Variants in ZNF644 observed in about 807,000 individuals in gnomAD.
ZNF644 encodes zinc finger protein 644, also known as zinc finger motif enhancer binding protein 2.
In ZNF644, 20 loss-of-function variants were observed where a neutral mutation model predicts 108.0. The observed-to-expected ratio is 0.19, with a 90% CI of 0.13 to 0.27. The LOEUF (loss-of-function observed/expected upper bound fraction) is 0.27, where lower values mean the gene tolerates loss of function less well. Among genes scored for constraint, ZNF644 ranks in the 10% least tolerant of loss-of-function variants. The probability of loss-of-function intolerance (pLI) is 1.00; values close to 1 mark genes in which losing one functional copy is unlikely to be tolerated. For missense variants in ZNF644, 1,338 were observed against 1,548.9 expected (o/e 0.86, Z 2.29); for synonymous variants, 542 against 539.1 (o/e 1.01, Z -0.08).
Position 90,940,571 on chromosome 1 carries a change from G to T in ZNF644, c.783C>A (p.Pro261=). Residue 261 remains proline (P), a synonymous_variant, in exon 3 of 6, where the codon CCC becomes CCA. Transcript: ENST00000337393. ...TAAGAAATTGAATGAACTCTTTTTG[G>T]GGATCCCAGTTTGTATCATTTTCTG... ...FRSENDTNWD[P]QKEFIQFLMT... The T allele has an allele frequency of 6.2e-7, 1 of 1,613,412 alleles. No individual in the cohort carries two copies. Among genetic ancestry groups the T allele is most frequent in the Non-Finnish European group, 8.5e-7 (1 of 1,179,844 alleles).
chr1:90,996,143 A>G (rs548686036), intron 1 of ZNF644, among the ~76,000 whole-genome samples: 1 of 152,204 alleles, frequency 6.6e-6, no homozygotes, highest in Non-Finnish European at 1.5e-5. Context: ...AAAAATCACT[A>G]CGAGATAACC....
intron 1 of ZNF644, among the ~76,000 whole-genome samples, chr1:90,993,148 C>T (rs1657804453): frequency 6.6e-6 from 1 of 152,098 alleles, no homozygotes; most frequent in South Asian, 2.1e-4. Flanking sequence ...TTTCAGTTTG[C>T]CAGTTTTGAG....
intron 4 of ZNF644, among the ~76,000 whole-genome samples, chr1:90,927,763 T>A (rs1382404729): frequency 6.6e-6 from 1 of 152,098 alleles, no homozygotes; most frequent in Non-Finnish European, 1.5e-5. Flanking sequence ...AAATATAAGT[T>A]TAACCATACC....
Position 90,940,146 on chromosome 1 carries a change from C to T in ZNF644, c.1208G>A (p.Ser403Asn). The change falls in exon 3 of 6, where the codon AGT (serine) becomes AAT (asparagine). Residue 403 changes from serine to asparagine, a missense_variant. Transcript: ENST00000337393. ...ESDSESPATF[S>N]TEEPSFYPCT... ...GGGGTAGAATGATGGCTCTTCGGTA[C>T]TGAAAGTAGCAGGTGACTCAGAATC... is the stretch of plus-strand genomic sequence containing the variant. 1 of 1,614,006 alleles carries T rather than the reference C, an allele frequency of 6.2e-7. No homozygotes were observed. Among genetic ancestry groups the T allele is most frequent in the South Asian group, 1.1e-5 (1 of 91,070 alleles).
intron 2 of ZNF644, among the ~76,000 whole-genome samples, chr1:90,967,621 A>G (rs1290746511): frequency 1.3e-5 from 2 of 152,186 alleles, no homozygotes; most frequent in Admixed American, 1.3e-4. Context: ...ATAAATGAAT[A>G]AAGCCCTGAT....
intron 2 of ZNF644, among the ~76,000 whole-genome samples, chr1:90,977,610 G>A (rs1189710847): frequency 1.4e-4 from 21 of 152,098 alleles, no homozygotes; most frequent in Admixed American, 1.4e-3. Flanking sequence ...GCAGAATGTG[G>A]GAAAACAGAT....
chr1:90,961,850 T>C (rs1046928644), intron 2 of ZNF644, among the ~76,000 whole-genome samples: 3 of 152,096 alleles, frequency 2.0e-5, no homozygotes, highest in Admixed American at 6.6e-5. Flanking sequence ...GGGTAAGTAC[T>C]ACTGGCATCT....
At position 90,938,117 on chromosome 1, in the gene ZNF644, T is replaced by C. The variant is rs757543187; in HGVS notation, c.3083-27A>G. 6.2e-7 allele frequency: 1 copy of C among 1,609,896 alleles called. No homozygotes were observed. Among genetic ancestry groups the C allele is most frequent in the South Asian group, 1.1e-5 (1 of 90,842 alleles). ...TAGAAAAAAATTTTTAAGAGTAATA[T>C]CAGACTTTCTTATATAAACTGACCA... On this transcript the variant is annotated intron_variant, in intron 3 of 5. Coordinates refer to ENST00000337393, the MANE Select transcript of ZNF644 (RefSeq NM_201269.3). This position sits in a 1 kb window ranked among gnomAD's most constrained non-coding sequence, Gnocchi z 4.2.
intron 2 of ZNF644, among the ~76,000 whole-genome samples, chr1:90,941,614 T>C (rs1017416210): frequency 2.0e-5 from 3 of 152,118 alleles, no homozygotes; most frequent in Non-Finnish European, 4.4e-5. Context: ...CAGATACACA[T>C]GTATACACAG....
Position 90,939,561 on chromosome 1 carries a change from T to C in ZNF644, c.1793A>G (p.Lys598Arg). ...CTCCGTGTGCTTTTTTAAAACACTT[T>C]TGGCTGAAGTAGTAAAAGGACACAT... ...CKMCPFTTSA[K>R]SVLKKHTEYL... Residue 598 changes from lysine to arginine, a missense_variant, in exon 3 of 6, where the codon AAA (lysine) becomes AGA (arginine). By Grantham distance (26) the Lys-to-Arg change is conservative. This residue lies in a region of ZNF644 where 462 missense variants were observed against 472.6 expected (regional missense o/e 0.98). Coordinates refer to ENST00000337393, the MANE Select transcript of ZNF644 (RefSeq NM_201269.3). 3.1e-6 allele frequency: 5 copies of C among 1,614,002 alleles called. No homozygotes were observed. Among genetic ancestry groups the C allele is most frequent in the Non-Finnish European group, 4.2e-6 (5 of 1,179,918 alleles).
chr1:90,922,270 T>C (rs1346606783), intron 4 of ZNF644, among the ~76,000 whole-genome samples: 1 of 152,182 alleles, frequency 6.6e-6, no homozygotes, highest in Non-Finnish European at 1.5e-5. Flanking sequence ...ATTTCTTTTC[T>C]AATTGGTTGC....
intron 1 of ZNF644, among the ~76,000 whole-genome samples, chr1:90,991,583 T>A (rs1657641063): frequency 6.6e-6 from 1 of 152,154 alleles, no homozygotes; most frequent in Non-Finnish European, 1.5e-5. Context: ...AAAGCACGGC[T>A]GGGAAAGGCC....
chr1:90,981,924 A>G (rs1429134940), intron 2 of ZNF644, among the ~76,000 whole-genome samples: 1 of 152,106 alleles, frequency 6.6e-6, no homozygotes, highest in Non-Finnish European at 1.5e-5. Context: ...AGCAATGACT[A>G]TTCATATACT....
intron 2 of ZNF644, among the ~76,000 whole-genome samples, chr1:90,971,174 T>C (rs1655427541): frequency 6.6e-6 from 1 of 151,684 alleles, no homozygotes; most frequent in South Asian, 2.1e-4. Flanking sequence ...ATTAAAAGTA[T>C]TATACACCGT....
At chr1:91,008,056 G>C (rs1021486841) in intron 1 of ZNF644, among the ~76,000 whole-genome samples, 4 of 152,158 alleles carry the variant, frequency 2.6e-5, no homozygotes, top group African/African-American at 9.7e-5. Flanking sequence ...GCTAGATGGG[G>C]CAAGAACTTG....
intron 4 of ZNF644, 133 bp downstream of exon 4, chr1:90,937,352 G>A: frequency 8.1e-7 from 1 of 1,227,166 alleles, no homozygotes. Flanking sequence ...TAACCAATCT[G>A]TGCTCTGTAA....
At chr1:90,980,779 C>T (rs971005820) in intron 2 of ZNF644, among the ~76,000 whole-genome samples, 10 of 152,038 alleles carry the variant, frequency 6.6e-5, no homozygotes, top group African/African-American at 2.4e-4. Context: ...TGACAGAATT[C>T]AGAAAGATGA....
chr1:91,001,648 C>A (rs1570554704), intron 1 of ZNF644, among the ~76,000 whole-genome samples: 1 of 152,282 alleles, frequency 6.6e-6, no homozygotes, highest in East Asian at 1.9e-4. Context: ...CCTTCTCTCA[C>A]CACTCCTATT....
chr1:90,975,159 T>G (rs909555905), intron 2 of ZNF644, among the ~76,000 whole-genome samples: 2 of 152,200 alleles, frequency 1.3e-5, no homozygotes, highest in Non-Finnish European at 2.9e-5. Context: ...GAGTAAAGTA[T>G]TAGCTATATT....
Sources: gnomAD v4.1 joint callset for allele counts (sites outside exome capture counted in the v4.1 genomes callset) on GRCh38, gnomAD v4.1.1 for gene constraint, gnomAD v4.1.1 regional missense constraint, Gnocchi (gnomAD v3.1) non-coding constraint, MANE v1.5 for transcripts, NCBI Gene and HGNC (gene_info 2026-07-23, HGNC 2026-07-21) for gene names.